Variants in NEGR1 observed in about 807,000 individuals in gnomAD.
NEGR1 encodes the protein IgLON family member 4.
NEGR1 carries 10 observed loss-of-function variants against 40.9 expected under a neutral mutation model. The ratio of observed to expected loss-of-function variants is 0.24; its 90% CI spans 0.15 to 0.42. NEGR1 has a LOEUF of 0.42. NEGR1 is among the 10% of genes least tolerant of loss of function. The pLI is 1.00. For missense variants in NEGR1, 352 were observed against 438.9 expected (o/e 0.80, Z 1.77); for synonymous variants, 185 against 166.8 (o/e 1.11, Z -0.84).
At chr1:72,082,943 G>A (rs1648064742) in intron 1 of NEGR1, among the ~76,000 whole-genome samples, 1 of 152,028 alleles carries the variant, frequency 6.6e-6, no homozygotes, top group South Asian at 2.1e-4. Flanking sequence ...ACGGGATTAT[G>A]GAGTGTATGT....
At chr1:71,546,048 C>A (rs984444908) in intron 6 of NEGR1, among the ~76,000 whole-genome samples, 1 of 151,624 alleles carries the variant, frequency 6.6e-6, no homozygotes, top group Admixed American at 6.6e-5. Flanking sequence ...AGTTAAACCA[C>A]CAGAAGGAAA....
At chr1:72,111,738 A>G (rs1315513401) in intron 1 of NEGR1, among the ~76,000 whole-genome samples, 1 of 151,804 alleles carries the variant, frequency 6.6e-6, no homozygotes, top group East Asian at 1.9e-4. Flanking sequence ...GTTCCATGAA[A>G]ACCCTTTCTT....
intron 6 of NEGR1, among the ~76,000 whole-genome samples, chr1:71,519,736 A>C (rs1444410516): frequency 1.3e-5 from 2 of 149,866 alleles, no homozygotes; most frequent in East Asian, 1.9e-4. Context: ...TAATAAAAAA[A>C]AAAAAAAATT....
chr1:71,610,625 G>C (rs532124646), intron 5 of NEGR1, among the ~76,000 whole-genome samples: 1 of 152,270 alleles, frequency 6.6e-6, no homozygotes, highest in African/African-American at 2.4e-5. Flanking sequence ...GCAGGTGAAA[G>C]GGTTGAGGCT....
At chr1:71,829,594 C>T (rs750428131) in intron 2 of NEGR1, among the ~76,000 whole-genome samples, 27 of 151,702 alleles carry the variant, frequency 1.8e-4, no homozygotes, top group Admixed American at 5.3e-4. Flanking sequence ...AAAATCGAAA[C>T]GATCAAAGCT....
chr1:72,144,647 T>G (rs908304602), intron 1 of NEGR1, among the ~76,000 whole-genome samples: 9 of 152,030 alleles, frequency 5.9e-5, no homozygotes, highest in Non-Finnish European at 1.2e-4. Flanking sequence ...GTTTAGATTT[T>G]GAACACTTTT....
intron 1 of NEGR1, among the ~76,000 whole-genome samples, chr1:72,009,696 T>TA (rs1413286602): frequency 6.6e-6 from 1 of 152,108 alleles, no homozygotes; most frequent in Non-Finnish European, 1.5e-5. Flanking sequence ...CATCTCTCCA[T>TA]AGGCAACTGT....
At chr1:72,212,281 G>T (rs1220676285) in intron 1 of NEGR1, among the ~76,000 whole-genome samples, 1 of 151,916 alleles carries the variant, frequency 6.6e-6, no homozygotes, top group African/African-American at 2.4e-5. Flanking sequence ...ATATAATACT[G>T]AAAAGGTCAT....
Position 71,703,567 on chromosome 1 carries a change from A to G in NEGR1, c.536-5428T>C, listed in dbSNP as rs114476197. Among the ~76,000 whole-genome samples the G allele has an allele frequency of 5.2e-3, 795 of 151,942 alleles. 10 individuals are homozygous for G. Among genetic ancestry groups the G allele is most frequent in the African/African-American group, 0.018 (735 of 41,562 alleles). ...AACTATGTTGAAGTCTTTACAAAAA[A>G]TAAATATAATGAAGAAACAAATGGC... On this transcript the variant is annotated intron_variant, in intron 3 of 6. Transcript: ENST00000357731.
At chr1:71,576,376 CA>C (rs956709363) in intron 6 of NEGR1, among the ~76,000 whole-genome samples, 7 of 151,958 alleles carry the variant, frequency 4.6e-5, no homozygotes, top group African/African-American at 1.7e-4. Flanking sequence ...AACAAACAAA[CA>C]AAAAACTTAT....
chr1:71,915,842 C>T (rs575277660), intron 2 of NEGR1, among the ~76,000 whole-genome samples: 62 of 152,304 alleles, frequency 4.1e-4, no homozygotes, highest in Admixed American at 1.4e-3. Flanking sequence ...AAGCATATTA[C>T]TTGCCCTCAT....
intron 3 of NEGR1, among the ~76,000 whole-genome samples, chr1:71,761,967 C>G (rs1013172499): frequency 6.6e-6 from 1 of 151,900 alleles, no homozygotes; most frequent in Non-Finnish European, 1.5e-5. Flanking sequence ...AACTATAGTA[C>G]ATTATCATAA....
intron 1 of NEGR1, among the ~76,000 whole-genome samples, chr1:72,085,713 T>C (rs1321546476): frequency 3.9e-5 from 6 of 152,134 alleles, no homozygotes; most frequent in African/African-American, 1.4e-4. Flanking sequence ...CTCATGCCTG[T>C]AATCCCAGCA....
intron 1 of NEGR1, among the ~76,000 whole-genome samples, chr1:72,094,811 G>A (rs1486917102): frequency 6.6e-6 from 1 of 152,188 alleles, no homozygotes; most frequent in Non-Finnish European, 1.5e-5. Context: ...ATTACAGTGA[G>A]TGGACCAAAA....
At chr1:71,800,463 GGGTTTGTAT>G (rs1441756848) in intron 2 of NEGR1, among the ~76,000 whole-genome samples, 4 of 152,054 alleles carry the variant, frequency 2.6e-5, no homozygotes, top group African/African-American at 9.7e-5. Context: ...TTTTCCTCTA[GGGTTTGTAT>G]GGTTTTAGTT....
intron 6 of NEGR1, among the ~76,000 whole-genome samples, chr1:71,509,534 T>G (rs1647059206): frequency 6.6e-6 from 1 of 152,222 alleles, no homozygotes; most frequent in Non-Finnish European, 1.5e-5. Flanking sequence ...ACTTCGTAAC[T>G]TGTTACCATA....
chr1:71,810,741 T>G (rs911617606), intron 2 of NEGR1, among the ~76,000 whole-genome samples: 1 of 151,980 alleles, frequency 6.6e-6, no homozygotes, highest in Admixed American at 6.6e-5. Flanking sequence ...GTAGCTCCTC[T>G]CCCTTCTCTC....
chr1:72,263,745 C>T (rs1655545394), intron 1 of NEGR1, among the ~76,000 whole-genome samples: 1 of 151,232 alleles, frequency 6.6e-6, no homozygotes, highest in South Asian at 2.1e-4. Context: ...GGCACACACA[C>T]ACAAAAAAAC....
intron 6 of NEGR1, among the ~76,000 whole-genome samples, chr1:71,576,081 G>A (rs1228299979): frequency 2.6e-5 from 4 of 152,106 alleles, no homozygotes; most frequent in Non-Finnish European, 4.4e-5. Context: ...AACTTCCAGA[G>A]GACACAGACA....
Sources: allele counts gnomAD v4.1 joint callset (sites outside exome capture counted in the v4.1 genomes callset), GRCh38; gene constraint gnomAD v4.1.1; transcripts MANE v1.5; gene names NCBI Gene and HGNC (gene_info 2026-07-23, HGNC 2026-07-21).